The following RANBP2 variants were observed in gnomAD, a reference collection of about 807,000 sequenced individuals.
The protein encoded by RANBP2 is E3 SUMO-protein ligase RanBP2.
RANBP2 carries 57 observed loss-of-function variants against 303.6 expected under a neutral mutation model. That is an observed-to-expected ratio of 0.19 (90% confidence interval 0.15 to 0.23). RANBP2 has a LOEUF of 0.23. Among genes scored for constraint, RANBP2 ranks in the 10% least tolerant of loss-of-function variants. The probability of loss-of-function intolerance (pLI) is 1.00; values close to 1 mark genes in which losing one functional copy is unlikely to be tolerated. For missense variants in RANBP2, 3,138 were observed against 3,780.8 expected (o/e 0.83, Z 4.46); for synonymous variants, 1,167 against 1,301.5 (o/e 0.90, Z 2.23).
the RANBP2 span, among the ~76,000 whole-genome samples, chr2:108,930,452 C>A: frequency 6.6e-6 from 1 of 152,090 alleles, no homozygotes; most frequent in African/African-American, 2.4e-5. Context: ...CCAGCCCCCA[C>A]TAGAACCACC....
the RANBP2 span, among the ~76,000 whole-genome samples, chr2:109,572,379 C>T: frequency 3.3e-5 from 5 of 152,068 alleles, no homozygotes; most frequent in Non-Finnish European, 5.9e-5. Flanking sequence ...GTGACTTGCC[C>T]GCCTCGGCCT....
At chr2:109,685,025 C>A in the RANBP2 span, among the ~76,000 whole-genome samples, 2 of 151,736 alleles carry the variant, frequency 1.3e-5, no homozygotes, top group Admixed American at 6.6e-5. Flanking sequence ...AGGCACCCAC[C>A]ATCATGCCTG....
At chr2:109,615,228 G>A in the RANBP2 span, 118 of 1,545,938 alleles carry the variant, frequency 7.6e-5, 1 homozygote, top group South Asian at 1.3e-3. Flanking sequence ...CAGCGCATCG[G>A]TGGCCTCGTC....
the RANBP2 span, among the ~76,000 whole-genome samples, chr2:109,536,602 T>C: frequency 3.9e-5 from 6 of 152,152 alleles, no homozygotes; most frequent in Admixed American, 3.9e-4. Context: ...CTGTGGACTT[T>C]TGAGTTAATG....
At chr2:108,780,198 C>CTTT (rs572170306) in intron 25 of RANBP2, among the ~76,000 whole-genome samples, 3 of 137,124 alleles carry the variant, frequency 2.2e-5, no homozygotes, top group East Asian at 2.1e-4. Context: ...CCTTTTTTTC[C>CTTT]TTTTTTTTTT....
At chr2:109,369,209 G>A in the RANBP2 span, among the ~76,000 whole-genome samples, 2 of 151,536 alleles carry the variant, frequency 1.3e-5, no homozygotes, top group Non-Finnish European at 2.9e-5. Flanking sequence ...TTAGCCGGGA[G>A]TGGTGGTGAG....
chr2:108,997,896 GCAA>G, the RANBP2 span, among the ~76,000 whole-genome samples: 43 of 152,182 alleles, frequency 2.8e-4, no homozygotes, highest in African/African-American at 8.7e-4. Context: ...GTCTCAAAAA[GCAA>G]CAACAACAAC....
the RANBP2 span, among the ~76,000 whole-genome samples, chr2:109,171,218 A>T: frequency 6.6e-6 from 1 of 152,350 alleles, no homozygotes; most frequent in East Asian, 1.9e-4. Context: ...CACCAAATAT[A>T]ACCATATTAT....
At chr2:109,124,017 T>TTTATTTAC in the RANBP2 span, among the ~76,000 whole-genome samples, 3 of 130,800 alleles carry the variant, frequency 2.3e-5, no homozygotes, top group African/African-American at 7.8e-5. Context: ...TATTTATTTA[T>TTTATTTAC]TTATTATTTT....
chr2:109,495,154 G>C, the RANBP2 span, among the ~76,000 whole-genome samples: 1 of 152,214 alleles, frequency 6.6e-6, no homozygotes, highest in Non-Finnish European at 1.5e-5. Context: ...TTGTCCTGCG[G>C]ACTATGTGCA....
At chr2:109,311,764 G>A in the RANBP2 span, among the ~76,000 whole-genome samples, 2 of 143,672 alleles carry the variant, frequency 1.4e-5, no homozygotes, top group South Asian at 2.2e-4. Flanking sequence ...AATTTCAAGC[G>A]ATGAGCAAGT....
At chr2:109,075,092 C>T in the RANBP2 span, among the ~76,000 whole-genome samples, 2 of 145,922 alleles carry the variant, frequency 1.4e-5, no homozygotes, top group Non-Finnish European at 3.0e-5. Context: ...GAGCTAATGT[C>T]GTACCTTAAG....
the RANBP2 span, among the ~76,000 whole-genome samples, chr2:109,148,198 C>T: frequency 6.6e-6 from 1 of 152,234 alleles, no homozygotes; most frequent in East Asian, 1.9e-4. Context: ...TCCCACCTGC[C>T]TGCTCTAGGA....
the RANBP2 span, among the ~76,000 whole-genome samples, chr2:109,367,527 C>T: frequency 1.3e-5 from 2 of 152,114 alleles, no homozygotes; most frequent in East Asian, 3.9e-4. Flanking sequence ...GGTGATCCAC[C>T]GACCTCGGCC....
chr2:108,810,558 G>T, the RANBP2 span, among the ~76,000 whole-genome samples: 1 of 152,042 alleles, frequency 6.6e-6, no homozygotes, highest in Non-Finnish European at 1.5e-5. Context: ...GTTGAATTTG[G>T]TTTGCTAATA....
At chr2:109,512,901 T>C in the RANBP2 span, among the ~76,000 whole-genome samples, 2 of 152,222 alleles carry the variant, frequency 1.3e-5, no homozygotes, top group African/African-American at 4.8e-5. Context: ...CACCATGACT[T>C]TGGCCATTGC....
the RANBP2 span, among the ~76,000 whole-genome samples, chr2:109,185,350 T>A: frequency 6.6e-6 from 1 of 152,232 alleles, no homozygotes; most frequent in Non-Finnish European, 1.5e-5. Context: ...AAGATTGGAT[T>A]GTTAGAGCAT....
the RANBP2 span, among the ~76,000 whole-genome samples, chr2:108,942,933 C>G: frequency 6.6e-6 from 1 of 152,228 alleles, no homozygotes. Flanking sequence ...TGCTCCTAAT[C>G]CTGGGATTAG....
chr2:108,726,541 G>T (rs1320807343), intron 1 of RANBP2, among the ~76,000 whole-genome samples: 1 of 151,868 alleles, frequency 6.6e-6, no homozygotes, highest in Admixed American at 6.6e-5. Flanking sequence ...CCTGATGAGG[G>T]CTTTCTTCCT....
Sources: gnomAD v4.1 joint callset for allele counts (sites outside exome capture counted in the v4.1 genomes callset) on GRCh38, gnomAD v4.1.1 for gene constraint, MANE v1.5 for transcripts, NCBI Gene and HGNC (gene_info 2026-07-23, HGNC 2026-07-21) for gene names.